The following PRTFDC1 variants were observed in gnomAD, a reference collection of about 807,000 sequenced individuals.
PRTFDC1 encodes phosphoribosyl transferase domain containing 1.
In PRTFDC1, 38 loss-of-function variants were observed where a neutral mutation model predicts 34.6. That is an observed-to-expected ratio of 1.10 (90% CI 0.85 to 1.44). PRTFDC1 has a LOEUF of 1.44. PRTFDC1 is among the 40% of genes most tolerant of loss of function. The pLI is 0.00. For synonymous variants in PRTFDC1, 93 were observed against 98.1 expected, an observed-to-expected ratio of 0.95 and a Z score of 0.31; for missense variants, 270 against 283.0, an observed-to-expected ratio of 0.95 and a Z score of 0.33.
At chr10:24,935,560 C>A (rs1378296789) in intron 3 of PRTFDC1, among the ~76,000 whole-genome samples, 1 of 152,158 alleles carries the variant, frequency 6.6e-6, no homozygotes, top group Non-Finnish European at 1.5e-5. Context: ...GCCCTGAAGA[C>A]CGCTGTCCCC....
intron 3 of PRTFDC1, among the ~76,000 whole-genome samples, chr10:24,904,022 G>GT (rs1848492651): frequency 6.6e-6 from 1 of 151,926 alleles, no homozygotes; most frequent in South Asian, 2.1e-4. Context: ...TTTGAAGAGG[G>GT]TCACTGAGAA....
intron 3 of PRTFDC1, among the ~76,000 whole-genome samples, chr10:24,894,075 G>A (rs1353194735): frequency 6.6e-6 from 1 of 152,210 alleles, no homozygotes; most frequent in East Asian, 1.9e-4. Flanking sequence ...GCTCACGCCT[G>A]TAATCCCAGC....
At chr10:24,941,060 GTT>G (rs749388766) in intron 2 of PRTFDC1, among the ~76,000 whole-genome samples, 4,866 of 148,180 alleles carry the variant, frequency 0.033, 172 homozygotes, top group Admixed American at 0.092. Flanking sequence ...GTGTGTGTGT[GTT>G]TGTGTGTTTG....
chr10:24,901,298 G>A (rs756596573), intron 3 of PRTFDC1, among the ~76,000 whole-genome samples: 1 of 152,156 alleles, frequency 6.6e-6, no homozygotes, highest in Non-Finnish European at 1.5e-5. Flanking sequence ...GTGTTTCTTT[G>A]TTGGCAGAAT....
chr10:24,935,584 C>A (rs1162015740), intron 3 of PRTFDC1, among the ~76,000 whole-genome samples: 1 of 152,154 alleles, frequency 6.6e-6, no homozygotes, highest in African/African-American at 2.4e-5. Context: ...TGTACACACC[C>A]TGCATAATCC....
At chr10:24,947,125 G>C (rs1849262989) in intron 1 of PRTFDC1, among the ~76,000 whole-genome samples, 1 of 152,234 alleles carries the variant, frequency 6.6e-6, no homozygotes, top group South Asian at 2.1e-4. Context: ...GGGTAGCAAA[G>C]TGAGATTGTC....
At chr10:24,851,282 G>C (rs1243291328) in intron 8 of PRTFDC1, 106 bp downstream of exon 8, 8 of 1,459,934 alleles carry the variant, frequency 5.5e-6, no homozygotes. Flanking sequence ...TCCTGACATA[G>C]AAGATACTCA....
chr10:24,908,521 T>C (rs768339272), intron 3 of PRTFDC1: 2 of 1,612,536 alleles, frequency 1.2e-6, no homozygotes, highest in Non-Finnish European at 1.7e-6. Flanking sequence ...GCTCTGATCT[T>C]GGTAACTGAA....
At position 24,947,474 on chromosome 10, in the gene PRTFDC1, C is replaced by A. The variant is rs565252834; in HGVS notation, c.49-5038G>T. ...TGCTCTAAGTGTATTCAGTACAATGCTTTCTCTGTTCAAAACAGCAAAACA... is the reference window on the plus strand; with the variant it reads ...TGCTCTAAGTGTATTCAGTACAATGATTTCTCTGTTCAAAACAGCAAAACA... On this transcript the variant is annotated intron_variant, in intron 1 of 8. Coordinates refer to ENST00000320152, the MANE Select transcript of PRTFDC1 (RefSeq NM_020200.7). Among the ~76,000 whole-genome samples the A allele has an allele frequency of 1.6e-4, 24 of 152,278 alleles. No homozygotes were observed. In the South Asian group the frequency reaches 4.8e-3, roughly 30 times the overall value.
In PRTFDC1 at chr10:24,863,607, G is replaced by T. The variant is rs555068438; in HGVS notation, c.406-5198C>A. Among the ~76,000 whole-genome samples the T allele has an allele frequency of 2.0e-5, 3 of 152,248 alleles. No individual in the cohort carries two copies. In the South Asian group the frequency reaches 6.2e-4, roughly 32 times the overall value. ...TTTTGTAAGGTGATAGCTGCCCATA[G>T]ATAGTGATTCCTCTGATGGATCTGG... On this transcript the variant is annotated intron_variant, in intron 4 of 8. Coordinates refer to ENST00000320152, the MANE Select transcript of PRTFDC1 (RefSeq NM_020200.7).
chr10:24,921,736 G>T (rs1848793270), intron 3 of PRTFDC1, among the ~76,000 whole-genome samples: 1 of 149,546 alleles, frequency 6.7e-6, no homozygotes, highest in South Asian at 2.1e-4. Context: ...AAAAAAGCTA[G>T]GCAAACAAAA....
At chr10:24,866,898 GAGAA>G (rs1353152872) in intron 4 of PRTFDC1, among the ~76,000 whole-genome samples, 1 of 148,656 alleles carries the variant, frequency 6.7e-6, no homozygotes. Context: ...GAAAGGAAGA[GAGAA>G]AGAAAGAGAA....
At chr10:24,884,160 T>A (rs201249442) in intron 3 of PRTFDC1, among the ~76,000 whole-genome samples, 1 of 146,420 alleles carries the variant, frequency 6.8e-6, no homozygotes, top group East Asian at 2.0e-4. Flanking sequence ...CACAATTGTT[T>A]AAAAAAAAAA....
chr10:24,851,726 A>G (rs1321624168), intron 7 of PRTFDC1, among the ~76,000 whole-genome samples: 1 of 151,928 alleles, frequency 6.6e-6, no homozygotes, highest in East Asian at 1.9e-4. Context: ...GAAAGGGCTC[A>G]GGAAGCCTGG....
chr10:24,851,448 A>T lies in PRTFDC1; in HGVS notation c.570T>A (p.Ile190=), dbSNP rs763448129. The T allele has an allele frequency of 6.2e-6, 10 of 1,611,700 alleles. No individual in the cohort carries two copies. The highest frequency in any genetic ancestry group is 8.5e-6 in the Non-Finnish European group (10 of 1,179,770). ...GFRPDYAGFE[I]PNLFVVGYAL... is the part of the protein sequence containing the mutation. The stretch of plus-strand genomic sequence containing the variant: ...CATATCCCACCACAAATAAGTTTGG[A>T]ATCTCAAATCCAGCATCTTAGCAGA... Residue 190 remains isoleucine, a synonymous_variant, in exon 8 of 9, where the codon ATT becomes ATA. Coordinates refer to ENST00000320152, the MANE Select transcript of PRTFDC1 (RefSeq NM_020200.7).
chr10:24,946,430 T>A (rs1397054612), intron 1 of PRTFDC1, among the ~76,000 whole-genome samples: 6 of 151,930 alleles, frequency 3.9e-5, no homozygotes. Flanking sequence ...CAAAAATGAA[T>A]GCCAAAAATA....
intron 3 of PRTFDC1, 140 bp downstream of exon 3, chr10:24,937,044 A>G: frequency 2.5e-6 from 2 of 796,442 alleles, no homozygotes; most frequent in South Asian, 3.8e-5. Flanking sequence ...AGGTTGCCGT[A>G]TTCTTGCAAA....
At chr10:24,873,353 T>C (rs1398595752) in intron 3 of PRTFDC1, among the ~76,000 whole-genome samples, 2 of 152,098 alleles carry the variant, frequency 1.3e-5, no homozygotes, top group Admixed American at 1.3e-4. Context: ...CAGACCCACA[T>C]TAAAGGAACC....
rs1278588489 is a variant in PRTFDC1 at position 24,942,324 on chromosome 10, A to T, written c.155+6T>A. ...GACCAAGATTGACACAGGAAATCAC[A>T]CTCACCTGTCCACAATGATACCATG... On this transcript the variant is annotated splice_donor_region_variant and intron_variant, in intron 2 of 8. Transcript: ENST00000320152. The T allele has an allele frequency of 6.3e-7, 1 of 1,599,462 alleles. No individual in the cohort carries two copies.
Sources: allele counts gnomAD v4.1 joint callset (sites outside exome capture counted in the v4.1 genomes callset), GRCh38; gene constraint gnomAD v4.1.1; transcripts MANE v1.5; gene names NCBI Gene and HGNC (gene_info 2026-07-23, HGNC 2026-07-21).